The following ZNF221 variants were observed in gnomAD, a reference collection of about 807,000 sequenced individuals.
ZNF221 encodes zinc finger protein 221.
ZNF221 carries 10 observed loss-of-function variants against 12.6 expected under a neutral mutation model. That is an observed-to-expected ratio of 0.79 (90% CI 0.49 to 1.34). ZNF221 has a LOEUF of 1.34. Ranked by LOEUF, ZNF221 falls within the 40% of genes most tolerant of loss-of-function variation. ZNF221 has a pLI of 0.00. For missense variants in ZNF221, 661 were observed against 721.4 expected, an observed-to-expected ratio of 0.92 and a Z score of 0.96; for synonymous variants, 232 against 244.0, an observed-to-expected ratio of 0.95 and a Z score of 0.46.
the ZNF221 span, among the ~76,000 whole-genome samples, chr19:43,976,404 G>A: frequency 3.9e-5 from 6 of 152,188 alleles, no homozygotes; most frequent in Admixed American, 3.9e-4. Flanking sequence ...TGGTGTGGTG[G>A]TGTGTGCCTG....
intron 1 of ZNF221, among the ~76,000 whole-genome samples, chr19:43,954,865 C>T (rs1342636396): frequency 6.6e-6 from 1 of 152,172 alleles, no homozygotes; most frequent in Non-Finnish European, 1.5e-5. Context: ...GCCTCCTTTC[C>T]CACCAGGTCT....
chr19:43,973,167 A>T, the ZNF221 span, among the ~76,000 whole-genome samples: 16 of 152,362 alleles, frequency 1.1e-4, no homozygotes, highest in East Asian at 1.9e-3. Context: ...CTCTCAATAG[A>T]TGCAGAAAAG....
Position 43,965,058 on chromosome 19 carries a change from A to G in ZNF221, c.190A>G (p.Arg64Gly), listed in dbSNP as rs146401193. ...LYRDVMLENF[R>G]NLLSVGNQPF... ...CCGAGATGTGATGCTAGAGAACTTC[A>G]GGAACCTGCTCTCAGTAGGTGAGGA... Residue 64 changes from arginine (R) to glycine (G), a missense_variant, in exon 3 of 5, where the codon AGG becomes GGG. Transcript: ENST00000587682. The G allele has an allele frequency of 1.4e-5, 22 of 1,614,194 alleles. No individual in the cohort carries two copies. In the African/African-American group the frequency reaches 2.7e-4, roughly 20 times the overall value.
chr19:43,966,432 C>A lies in ZNF221; in HGVS notation c.930C>A (p.Phe310Leu). Residue 310 changes from phenylalanine to leucine, a missense_variant, in exon 5 of 5, where the codon TTC (phenylalanine) becomes TTA (leucine). By Grantham distance (22) the Phe-to-Leu change is conservative (BLOSUM62 0). Coordinates refer to ENST00000587682, the MANE Select transcript of ZNF221 (RefSeq NM_001297588.2). ...GAATCCATACTGGGGAGAAGCCATT[C>A]AAATGTGATATATGTGGTAAGAGCT... is the stretch of plus-strand genomic sequence containing the variant. ...HQRIHTGEKP[F>L]KCDICGKSFR... The A allele has an allele frequency of 6.2e-7, 1 of 1,614,040 alleles. No individual in the cohort carries two copies.
downstream of ZNF221, among the ~76,000 whole-genome samples, chr19:43,970,257 A>G (rs1337551554): frequency 6.6e-6 from 1 of 152,202 alleles, no homozygotes; most frequent in Non-Finnish European, 1.5e-5. Context: ...CAAAAACCCC[A>G]TTCAAGGGTC....
chr19:43,955,026 C>G (rs184384019), intron 1 of ZNF221, among the ~76,000 whole-genome samples: 1 of 152,036 alleles, frequency 6.6e-6, no homozygotes, highest in Non-Finnish European at 1.5e-5. Context: ...ACTTCCCTAT[C>G]AAACTATTAC....
At chr19:43,957,334 C>T (rs1418088349) in intron 1 of ZNF221, among the ~76,000 whole-genome samples, 1 of 152,094 alleles carries the variant, frequency 6.6e-6, no homozygotes, top group Non-Finnish European at 1.5e-5. Context: ...GCACACACCA[C>T]CACACCTGGC....
downstream of ZNF221, among the ~76,000 whole-genome samples, chr19:43,970,626 G>A (rs1383550262): frequency 1.3e-5 from 2 of 152,118 alleles, no homozygotes; most frequent in African/African-American, 4.8e-5. Flanking sequence ...GCAATCACAA[G>A]TATCAATTGT....
At chr19:43,976,483 G>C in the ZNF221 span, among the ~76,000 whole-genome samples, 1 of 152,146 alleles carries the variant, frequency 6.6e-6, no homozygotes, top group East Asian at 1.9e-4. Flanking sequence ...GTTGCAGTGA[G>C]CTGAGATTGT....
At chr19:43,968,835 G>A (rs562531685), downstream of ZNF221, among the ~76,000 whole-genome samples, 25 of 152,272 alleles carry the variant, frequency 1.6e-4, no homozygotes, top group African/African-American at 4.6e-4. Context: ...GCGACCCTGC[G>A]CAGGAAACCA....
chr19:43,972,570 C>A (rs1220955043), downstream of ZNF221, among the ~76,000 whole-genome samples: 1 of 151,834 alleles, frequency 6.6e-6, no homozygotes, highest in East Asian at 1.9e-4. Context: ...AAGGGGATAT[C>A]ACCACTGACC....
At chr19:43,969,278 G>C (rs1240666135), downstream of ZNF221, among the ~76,000 whole-genome samples, 1 of 150,692 alleles carries the variant, frequency 6.6e-6, no homozygotes, top group Non-Finnish European at 1.5e-5. Context: ...GACAAGGAGA[G>C]GATCCCCCTG....
the ZNF221 span, among the ~76,000 whole-genome samples, chr19:43,981,023 G>T: frequency 1.3e-5 from 2 of 152,154 alleles, no homozygotes; most frequent in South Asian, 4.1e-4. Context: ...TGGGAGAATC[G>T]CTTGAGCCCA....
the ZNF221 span, among the ~76,000 whole-genome samples, chr19:43,980,476 T>C: frequency 2.0e-5 from 3 of 152,336 alleles, no homozygotes; most frequent in South Asian, 2.1e-4. Context: ...AGGAGAAATA[T>C]TCAAACATCT....
At chr19:43,964,365 A>G (rs1974900105) in intron 2 of ZNF221, among the ~76,000 whole-genome samples, 1 of 152,180 alleles carries the variant, frequency 6.6e-6, no homozygotes, top group Non-Finnish European at 1.5e-5. Flanking sequence ...AAGCTTTGGG[A>G]TGTGCTCTGA....
At chr19:43,980,314 C>T in the ZNF221 span, among the ~76,000 whole-genome samples, 1 of 152,190 alleles carries the variant, frequency 6.6e-6, no homozygotes, top group African/African-American at 2.4e-5. Context: ...AGAATCACAT[C>T]TCCCAAATCA....
intron 1 of ZNF221, among the ~76,000 whole-genome samples, chr19:43,954,208 A>G (rs186351374): frequency 1.9e-3 from 295 of 152,142 alleles, no homozygotes; most frequent in African/African-American, 6.8e-3. Context: ...GCTGGCTTCC[A>G]TTTGATATAC....
At chr19:43,973,666 A>T in the ZNF221 span, among the ~76,000 whole-genome samples, 1 of 152,252 alleles carries the variant, frequency 6.6e-6, no homozygotes, top group African/African-American at 2.4e-5. Context: ...TACAGAAAGA[A>T]TAAGTTATCT....
the ZNF221 span, among the ~76,000 whole-genome samples, chr19:43,973,737 CAA>C: frequency 6.6e-6 from 1 of 152,058 alleles, no homozygotes; most frequent in Admixed American, 6.6e-5. Context: ...AACCACTGCT[CAA>C]AGAAATCAGA....
Sources: allele counts gnomAD v4.1 joint callset (sites outside exome capture counted in the v4.1 genomes callset), GRCh38; gene constraint gnomAD v4.1.1; transcripts MANE v1.5; gene names NCBI Gene and HGNC (gene_info 2026-07-23, HGNC 2026-07-21).